Variants in DENND4C observed in about 807,000 individuals in gnomAD.
DENND4C encodes DENN domain containing 4C.
DENND4C carries 108 observed loss-of-function variants against 203.0 expected under a neutral mutation model. That is an observed-to-expected ratio of 0.53 (90% CI 0.46 to 0.62). DENND4C has a LOEUF of 0.62. Ranked by LOEUF, DENND4C falls within the 20% of genes least tolerant of loss-of-function variation. DENND4C has a pLI of 0.00. For synonymous variants in DENND4C, 871 were observed against 792.4 expected (o/e 1.10, Z -1.67); for missense variants, 2,481 against 2,301.2 (o/e 1.08, Z -1.60).
At position 19,369,847 on chromosome 9, in the gene DENND4C, G is replaced by A; in HGVS notation, c.5535G>A (p.Lys1845=). The change falls in exon 31 of 33, where the codon AAG becomes AAA. Residue 1845 remains lysine (K), a synonymous_variant. Coordinates refer to ENST00000434457, the MANE Select transcript of DENND4C (RefSeq NM_001330640.2). ...TGTTCTTATTGTTAGATTCTGAAAA[G>A]AAATCATCTCTCCTGTCAGAGGAAC... ...YVSWRNFNSE[K]KSSLLSEEQQ... is the part of the protein sequence containing the mutation. 2 of 1,581,690 alleles carry A rather than the reference G, an allele frequency of 1.3e-6. No individual in the cohort carries two copies. The highest frequency in any genetic ancestry group is 2.3e-5 in the East Asian group (1 of 44,012).
intron 2 of DENND4C, among the ~76,000 whole-genome samples, chr9:19,282,928 A>G (rs1299746626): frequency 1.3e-5 from 2 of 151,884 alleles, no homozygotes; most frequent in Non-Finnish European, 2.9e-5. Flanking sequence ...CATATTGGCC[A>G]GGCTGGTTTT....
At chr9:19,318,696 T>C (rs1388534741) in intron 12 of DENND4C, among the ~76,000 whole-genome samples, 1 of 152,200 alleles carries the variant, frequency 6.6e-6, no homozygotes, top group Non-Finnish European at 1.5e-5. Context: ...AGATAGGTAT[T>C]TTCTCCATGT....
intron 16 of DENND4C, among the ~76,000 whole-genome samples, chr9:19,331,093 GA>G (rs147440654): frequency 0.021 from 3,200 of 151,920 alleles, 125 homozygotes; most frequent in African/African-American, 0.072. Context: ...AAACTCACCA[GA>G]TGATTTTGAT....
At chr9:19,236,618 G>C (rs1822029385) in intron 1 of DENND4C, among the ~76,000 whole-genome samples, 1 of 152,198 alleles carries the variant, frequency 6.6e-6, no homozygotes, top group Admixed American at 6.5e-5. Flanking sequence ...GTTTGAGTGA[G>C]ACCGCAGGTT....
chr9:19,341,425 C>T (rs1821634458), intron 21 of DENND4C, among the ~76,000 whole-genome samples: 1 of 151,576 alleles, frequency 6.6e-6, no homozygotes, highest in South Asian at 2.1e-4. Flanking sequence ...ATCCTCCTGC[C>T]TCAGTCCCCT....
chr9:19,351,981 T>C, intron 24 of DENND4C, 92 bp from the exon 25 acceptor site: 2 of 998,446 alleles, frequency 2.0e-6, no homozygotes, highest in Non-Finnish European at 3.1e-6. Flanking sequence ...TTGCAGACTT[T>C]ATTCTGTGTC....
chr9:19,319,235 ATATG>A (rs1294325891), intron 12 of DENND4C, among the ~76,000 whole-genome samples: 2 of 147,182 alleles, frequency 1.4e-5, no homozygotes, highest in African/African-American at 2.5e-5. Flanking sequence ...ACACATTTAT[ATATG>A]TATATATATA....
intron 9 of DENND4C, among the ~76,000 whole-genome samples, chr9:19,301,379 C>T (rs2131325711): frequency 6.6e-6 from 1 of 152,242 alleles, no homozygotes; most frequent in East Asian, 1.9e-4. Context: ...TTGTTTACTC[C>T]TGTATTTTCA....
chr9:19,319,444 A>ATATACATATATATATACACACATATATG (rs1563799487), intron 12 of DENND4C, among the ~76,000 whole-genome samples: 29 of 145,776 alleles, frequency 2.0e-4, no homozygotes, highest in African/African-American at 7.3e-4. Context: ...ACACATATAT[A>ATATACATATATATATACACACATATATG]TATACATATA....
intron 15 of DENND4C, 67 bp downstream of exon 15, chr9:19,326,261 A>G (rs1817811007): frequency 2.0e-6 from 3 of 1,502,564 alleles, no homozygotes; most frequent in African/African-American, 1.4e-5. Context: ...TTATTAGTAG[A>G]TATGTATATT....
chr9:19,364,611 G>A (rs1015357436), intron 30 of DENND4C, among the ~76,000 whole-genome samples: 1 of 152,114 alleles, frequency 6.6e-6, no homozygotes, highest in African/African-American at 2.4e-5. Context: ...TTTGCCCAGG[G>A]GCTGGGCACG....
At chr9:19,343,049 T>A (rs911213713) in intron 22 of DENND4C, among the ~76,000 whole-genome samples, 1 of 152,188 alleles carries the variant, frequency 6.6e-6, no homozygotes, top group Non-Finnish European at 1.5e-5. Flanking sequence ...TCTTTCTCAT[T>A]ATAGATAATA....
chr9:19,268,400 G>T (rs1830947416), intron 1 of DENND4C, among the ~76,000 whole-genome samples: 1 of 152,100 alleles, frequency 6.6e-6, no homozygotes, highest in African/African-American at 2.4e-5. Context: ...GCACCTGGTT[G>T]TAGTTATTAT....
At chr9:19,249,673 C>G (rs1169538344) in intron 1 of DENND4C, among the ~76,000 whole-genome samples, 2 of 152,138 alleles carry the variant, frequency 1.3e-5, no homozygotes, top group Non-Finnish European at 2.9e-5. Context: ...AGAAAATCAA[C>G]AAATTCATTT....
chr9:19,232,997 A>C (rs920424581), intron 1 of DENND4C, among the ~76,000 whole-genome samples: 4 of 151,892 alleles, frequency 2.6e-5, no homozygotes, highest in Non-Finnish European at 5.9e-5. Context: ...AAGCTAGGGG[A>C]ATCTCTTAGA....
intron 23 of DENND4C, among the ~76,000 whole-genome samples, chr9:19,348,058 T>C (rs1353237316): frequency 6.6e-6 from 1 of 152,252 alleles, no homozygotes; most frequent in East Asian, 1.9e-4. Context: ...ATATGTATAA[T>C]GTTTGCTCTC....
chr9:19,266,800 T>A (rs1830599353), intron 1 of DENND4C, among the ~76,000 whole-genome samples: 1 of 152,298 alleles, frequency 6.6e-6, no homozygotes, highest in Middle Eastern at 3.4e-3. Flanking sequence ...CTGGATCCCT[T>A]CCTTACACCT....
At chr9:19,235,209 TC>T (rs1821634812) in intron 1 of DENND4C, among the ~76,000 whole-genome samples, 1 of 150,994 alleles carries the variant, frequency 6.6e-6, no homozygotes, top group African/African-American at 2.4e-5. Context: ...AGGTGATCCA[TC>T]CGCCTCGGCC....
At chr9:19,313,009 A>G (rs1841051315) in intron 10 of DENND4C, among the ~76,000 whole-genome samples, 1 of 152,166 alleles carries the variant, frequency 6.6e-6, no homozygotes. Flanking sequence ...ATTGTTATAT[A>G]TTTGAACATT....
Sources: allele counts gnomAD v4.1 joint callset (sites outside exome capture counted in the v4.1 genomes callset), GRCh38; gene constraint gnomAD v4.1.1; transcripts MANE v1.5; gene names NCBI Gene and HGNC (gene_info 2026-07-23, HGNC 2026-07-21).